Variants in ATRNL1 observed in about 807,000 individuals in gnomAD.
ATRNL1 encodes the protein attractin-like protein 1.
ATRNL1 carries 95 observed loss-of-function variants against 182.7 expected under a neutral mutation model. That is an observed-to-expected ratio of 0.52 (90% CI 0.44 to 0.62). The LOEUF (loss-of-function observed/expected upper bound fraction) is 0.62. ATRNL1 is among the 20% of genes least tolerant of loss of function. The pLI is 0.00. For missense variants in ATRNL1, 1,471 were observed against 1,679.5 expected (o/e 0.88, Z 2.17); for synonymous variants, 576 against 568.3 (o/e 1.01, Z -0.19).
intron 19 of ATRNL1, among the ~76,000 whole-genome samples, chr10:115,384,016 A>G (rs1394230376): frequency 6.6e-6 from 1 of 152,024 alleles, no homozygotes; most frequent in Non-Finnish European, 1.5e-5. Flanking sequence ...TGCGTTTATA[A>G]ATAGGCACAA....
intron 10 of ATRNL1, among the ~76,000 whole-genome samples, chr10:115,255,789 C>A (rs1554906694): frequency 6.6e-6 from 1 of 152,082 alleles, no homozygotes. Context: ...ATAAATAGCT[C>A]TTATTATTTT....
chr10:115,728,979 C>A (rs1947702732), intron 27 of ATRNL1, among the ~76,000 whole-genome samples: 1 of 152,038 alleles, frequency 6.6e-6, no homozygotes, highest in Non-Finnish European at 1.5e-5. Context: ...CTTTTTATCC[C>A]CATCTGTTTA....
chr10:115,425,186 C>T lies in ATRNL1; in HGVS notation c.3270-1064C>T, dbSNP rs531221950. ...TAGCCTCTAATTTTTCACTATTTGACTCTTCATTATATATATGTATTCTAC... is the reference window on the plus strand; with the variant it reads ...TAGCCTCTAATTTTTCACTATTTGATTCTTCATTATATATATGTATTCTAC... On this transcript the variant is annotated intron_variant, in intron 20 of 28. Coordinates refer to ENST00000355044, the MANE Select transcript of ATRNL1 (RefSeq NM_207303.4). Among the ~76,000 whole-genome samples the T allele has an allele frequency of 6.9e-4, 104 of 151,714 alleles. 1 individual carries two copies. Among genetic ancestry groups the T allele is most frequent in the African/African-American group, 2.3e-3 (95 of 41,410 alleles).
At chr10:115,527,205 G>C (rs1270417195) in intron 25 of ATRNL1, among the ~76,000 whole-genome samples, 4 of 149,144 alleles carry the variant, frequency 2.7e-5, no homozygotes, top group African/African-American at 9.9e-5. Flanking sequence ...CTCAACCTCT[G>C]CCTCCCAGGC....
At chr10:115,518,716 A>C (rs1850760984) in intron 24 of ATRNL1, among the ~76,000 whole-genome samples, 3 of 152,066 alleles carry the variant, frequency 2.0e-5, no homozygotes, top group South Asian at 4.1e-4. Context: ...CTTCCTCAGG[A>C]CAGATGTTAC....
chr10:115,467,526 T>C (rs929727508), intron 23 of ATRNL1, among the ~76,000 whole-genome samples: 11 of 150,920 alleles, frequency 7.3e-5, no homozygotes, highest in African/African-American at 2.2e-4. Context: ...TGATTTTAAT[T>C]AAGATAAATT....
intron 1 of ATRNL1, among the ~76,000 whole-genome samples, chr10:115,112,128 G>A (rs1191368262): frequency 1.3e-5 from 2 of 151,920 alleles, no homozygotes; most frequent in Non-Finnish European, 2.9e-5. Flanking sequence ...TAGAAAACTA[G>A]AAAACATTAA....
intron 24 of ATRNL1, among the ~76,000 whole-genome samples, chr10:115,473,748 T>C (rs181577673): frequency 2.6e-5 from 4 of 151,436 alleles, no homozygotes; most frequent in African/African-American, 9.6e-5. Flanking sequence ...TCAATCACCT[T>C]AGTTATTTTT....
intron 28 of ATRNL1, among the ~76,000 whole-genome samples, chr10:115,895,864 T>G (rs782122279): frequency 6.6e-6 from 1 of 152,146 alleles, no homozygotes. Flanking sequence ...TGCAAGGAAT[T>G]TGCCAAGTGG....
intron 26 of ATRNL1, among the ~76,000 whole-genome samples, chr10:115,639,005 T>G (rs969562344): frequency 7.9e-5 from 12 of 152,146 alleles, no homozygotes. Context: ...GGCTGAAAAC[T>G]ATCCCAATTT....
At position 115,268,540 on chromosome 10, in the gene ATRNL1, T is replaced by C. The variant is rs1433641095; in HGVS notation, c.2100+96T>C. 6.0e-6 allele frequency: 5 copies of C among 831,540 alleles called. No individual in the cohort carries two copies. In the African/African-American group the frequency reaches 6.7e-5, roughly 11 times the overall value. 51.5% of individuals were successfully genotyped at this position (831,540 alleles called of 1,614,324 possible). On this transcript the variant is annotated intron_variant, in intron 13 of 28. Coordinates refer to ENST00000355044, the MANE Select transcript of ATRNL1 (RefSeq NM_207303.4). ...TAGTAGCACTGTAGAAAAAAAGCACTTTACACATTAAGACATTTAGAAAGT... is the reference window on the plus strand; with the variant it reads ...TAGTAGCACTGTAGAAAAAAAGCACCTTACACATTAAGACATTTAGAAAGT...
intron 20 of ATRNL1, among the ~76,000 whole-genome samples, chr10:115,406,330 C>T (rs1844828076): frequency 2.0e-5 from 3 of 152,108 alleles, no homozygotes; most frequent in Admixed American, 2.0e-4. Context: ...TCCTTTTTCA[C>T]CATTACTGTT....
intron 24 of ATRNL1, among the ~76,000 whole-genome samples, chr10:115,491,581 G>A (rs1849303087): frequency 1.3e-5 from 2 of 152,102 alleles, no homozygotes; most frequent in Admixed American, 1.3e-4. Context: ...CTCAGCAGTG[G>A]TGGACGCCAC....
intron 24 of ATRNL1, among the ~76,000 whole-genome samples, chr10:115,500,998 C>T (rs973917124): frequency 7.0e-6 from 1 of 143,256 alleles, no homozygotes; most frequent in Non-Finnish European, 1.5e-5. Flanking sequence ...GTGCGAGCTC[C>T]ACTTACTGCA....
At chr10:115,631,800 T>G (rs1592978307) in intron 26 of ATRNL1, among the ~76,000 whole-genome samples, 1 of 152,196 alleles carries the variant, frequency 6.6e-6, no homozygotes, top group East Asian at 1.9e-4. Flanking sequence ...GATCACATTT[T>G]GAAAGGAAGA....
At position 115,857,383 on chromosome 10, in the gene ATRNL1, G is replaced by T. The variant is rs1035650125; in HGVS notation, c.4018+9392G>T. Among the ~76,000 whole-genome samples the T allele has an allele frequency of 7.9e-5, 12 of 152,314 alleles. No homozygotes were observed. The East Asian group carries it at 2.3e-3, about 29-fold the overall frequency. ...CTTTTCTTTTATATATGAGAAAAAT[G>T]AACCATGGATATTAAGTAACTTGCC... On this transcript the variant is annotated intron_variant, in intron 28 of 28. Transcript: ENST00000355044.
chr10:115,432,202 T>C (rs1044421623), intron 21 of ATRNL1, among the ~76,000 whole-genome samples: 1 of 152,194 alleles, frequency 6.6e-6, no homozygotes, highest in South Asian at 2.1e-4. Flanking sequence ...ATGAGATATC[T>C]TACTTTTTTT....
intron 21 of ATRNL1, among the ~76,000 whole-genome samples, chr10:115,442,353 A>G (rs1442366135): frequency 6.7e-6 from 1 of 148,710 alleles, no homozygotes; most frequent in Non-Finnish European, 1.5e-5. Context: ...ACTGTAAACA[A>G]TCAGGAACTT....
intron 26 of ATRNL1, among the ~76,000 whole-genome samples, chr10:115,616,537 A>T (rs1466716171): frequency 5.9e-5 from 9 of 152,194 alleles, no homozygotes; most frequent in Admixed American, 3.9e-4. Flanking sequence ...CCTCAAAGGC[A>T]TTTCAGAGAC....
Sources: allele counts gnomAD v4.1 joint callset (sites outside exome capture counted in the v4.1 genomes callset), GRCh38; gene constraint gnomAD v4.1.1; transcripts MANE v1.5; gene names NCBI Gene and HGNC (gene_info 2026-07-23, HGNC 2026-07-21).